Variants in XCL2 observed in about 807,000 individuals in gnomAD.
XCL2 encodes the protein X-C motif chemokine ligand 2.
XCL2 carries 8 observed loss-of-function variants against 7.2 expected under a neutral mutation model. That is an observed-to-expected ratio of 1.10 (90% CI 0.65 to 1.99). The LOEUF (loss-of-function observed/expected upper bound fraction) is 1.99, where lower values mean the gene tolerates loss of function less well. XCL2 is among the 30% of genes most tolerant of loss of function. The probability of loss-of-function intolerance (pLI) is 0.00; values close to 1 mark genes in which losing one functional copy is unlikely to be tolerated. For synonymous variants in XCL2, 46 were observed against 54.2 expected, an observed-to-expected ratio of 0.85 and a Z score of 0.67; for missense variants, 131 against 138.6, an observed-to-expected ratio of 0.94 and a Z score of 0.28.
At chr1:168,543,574 T>C (rs542735711) in intron 1 of XCL2, among the ~76,000 whole-genome samples, 4 of 146,560 alleles carry the variant, frequency 2.7e-5, no homozygotes, top group African/African-American at 7.3e-5. Context: ...TAAACCATAA[T>C]ATTTATTTAA....
In XCL2 at chr1:168,542,854, A is replaced by G. The variant is rs573021095; in HGVS notation, c.62-747T>C. ...AAAAGGCCTAAGAGTTTTCTTAGGC[A>G]GGCATTGGACAGGACATCCAGCCCA... On this transcript the variant is annotated intron_variant, in intron 1 of 2. Coordinates refer to ENST00000367819, the MANE Select transcript of XCL2 (RefSeq NM_003175.4). 310 of 188,758 alleles carry G rather than the reference A, an allele frequency of 1.6e-3. 12 individuals are homozygous for G. The South Asian group carries it at 0.032, about 19-fold the overall frequency. The allele number at this position is 188,758 out of a possible 1,614,324, so 11.7% of individuals were successfully genotyped here. A position where few individuals can be genotyped will look rare whatever the true frequency, so the allele number is the denominator to read the frequency against.
At position 168,542,076 on chromosome 1, in the gene XCL2, G is replaced by A. The variant is rs773490264; in HGVS notation, c.93C>T (p.Thr31=). Residue 31 remains threonine (T), a synonymous_variant, in exon 2 of 3, where the codon ACC becomes ACT. Coordinates refer to ENST00000367819, the MANE Select transcript of XCL2 (RefSeq NM_003175.4). ...GVGSEVSHRR[T]CVSLTTQRLP... ...GTCGCTGGGTAGTGAGGCTCACACA[G>A]GTCCTCCTATGTGAGACTTCACTCC... 7.1e-6 allele frequency: 11 copies of A among 1,552,104 alleles called. No homozygotes were observed. The Middle Eastern group carries it at 1.4e-3, about 191-fold the overall frequency.
At position 168,542,011 on chromosome 1, in the gene XCL2, C is replaced by G. The variant is rs773365565; in HGVS notation, c.158G>C (p.Gly53Ala). The G allele has an allele frequency of 6.2e-7, 1 of 1,610,558 alleles. No individual in the cohort carries two copies. Among genetic ancestry groups the G allele is most frequent in the Admixed American group, 1.7e-5 (1 of 59,472 alleles). The change falls in exon 2 of 3, where the codon GGC becomes GCC. Residue 53 changes from glycine (G) to alanine (A), a missense_variant. Transcript: ENST00000367819. Reference protein sequence around the residue: ...SRIKTYTITEGSLRAVIFITK... With the variant: ...SRIKTYTITEASLRAVIFITK... The stretch of plus-strand genomic sequence containing the variant: ...GACTCACATTACTGCTCTCAAGGAG[C>G]CTTCCGTGATGGTGTAGGTCTTGAT...
intron 1 of XCL2, chr1:168,543,188 A>T: frequency 3.8e-6 from 1 of 263,604 alleles, no homozygotes; most frequent in Non-Finnish European, 7.1e-6. Context: ...GGAAAACAAG[A>T]AGTCTCAGCT....
intron 1 of XCL2, among the ~76,000 whole-genome samples, chr1:168,542,400 A>T (rs915689322): frequency 3.3e-5 from 5 of 152,000 alleles, no homozygotes; most frequent in Non-Finnish European, 7.4e-5. Context: ...GACATTTGGG[A>T]CGGCTAGCAA....
chr1:168,542,927 C>T (rs1051462503), intron 1 of XCL2: 1 of 259,432 alleles, frequency 3.9e-6, no homozygotes, highest in Non-Finnish European at 7.4e-6. Flanking sequence ...TATCTGGTTC[C>T]AGCTGCAAAG....
intron 1 of XCL2, among the ~76,000 whole-genome samples, chr1:168,542,481 A>C (rs947088158): frequency 1.3e-5 from 2 of 152,186 alleles, no homozygotes; most frequent in Non-Finnish European, 2.9e-5. Flanking sequence ...TTATTAAGAC[A>C]GACATTATCC....
intron 2 of XCL2, among the ~76,000 whole-genome samples, 168 bp from the exon 3 acceptor site, chr1:168,541,288 T>C (rs1338607711): frequency 2.6e-5 from 4 of 152,126 alleles, no homozygotes; most frequent in Non-Finnish European, 5.9e-5. Flanking sequence ...GCCATCTATT[T>C]TAACATAAAG....
At chr1:168,542,514 CT>C (rs1282355596) in intron 1 of XCL2, among the ~76,000 whole-genome samples, 1 of 152,006 alleles carries the variant, frequency 6.6e-6, no homozygotes, top group East Asian at 1.9e-4. Flanking sequence ...AGCATATCTT[CT>C]CATGAGGGAG....
intron 2 of XCL2, among the ~76,000 whole-genome samples, chr1:168,541,449 A>T (rs2101815093): frequency 6.6e-6 from 1 of 151,312 alleles, no homozygotes; most frequent in East Asian, 1.9e-4. Context: ...AAATTTGAAA[A>T]TACTCATCTT....
chr1:168,542,198 T>G (rs1572564542), intron 1 of XCL2, 91 bp from the exon 2 acceptor site: 3 of 1,179,704 alleles, frequency 2.5e-6, no homozygotes, highest in East Asian at 5.6e-5. Context: ...TCTGAGAATG[T>G]TGTGAGAATA....
rs470733 is a variant in XCL2 at position 168,540,884 on chromosome 1, T to A, written c.*68A>T. The A allele has an allele frequency of 0.51, 793,670 of 1,542,392 alleles. 210,176 individuals carry two copies. Among genetic ancestry groups the A allele is most frequent in the East Asian group, 0.86 (37,911 of 43,894 alleles). Reference sequence around the variant, plus strand: ...GTGCTTTCATAAAAGGTGAGTATAATCTCAGTCCATGAGGGTGTAAAGTGA... The same window carrying A: ...GTGCTTTCATAAAAGGTGAGTATAAACTCAGTCCATGAGGGTGTAAAGTGA... On this transcript the variant is annotated 3_prime_UTR_variant, in exon 3 of 3. Coordinates refer to ENST00000367819, the MANE Select transcript of XCL2 (RefSeq NM_003175.4).
In XCL2 at chr1:168,542,595, G is replaced by C. The variant is rs528705947; in HGVS notation, c.62-488C>G. ...CAACATGTTACAGTACCATAAGTGA[G>C]ATGACAGAGTAATGCGTGAAGAGTA... On this transcript the variant is annotated intron_variant, in intron 1 of 2. Coordinates refer to ENST00000367819, the MANE Select transcript of XCL2 (RefSeq NM_003175.4). 2.2e-3 allele frequency: 345 copies of C among 158,234 alleles called. 1 individual carries two copies. Among genetic ancestry groups the C allele is most frequent in the Middle Eastern group, 6.5e-3 (2 of 306 alleles). The allele number at this position is 158,234 out of a possible 1,614,324, so 9.8% of individuals were successfully genotyped here. A position where few individuals can be genotyped will look rare whatever the true frequency, so the allele number is the denominator to read the frequency against.
chr1:168,542,742 A>G (rs1386610038), intron 1 of XCL2: 1 of 161,006 alleles, frequency 6.2e-6, no homozygotes, highest in Non-Finnish European at 1.4e-5. Flanking sequence ...TGCTGAAAAG[A>G]AAGAAGGCCA....
intron 1 of XCL2, among the ~76,000 whole-genome samples, chr1:168,543,628 A>G (rs1359455416): frequency 7.1e-6 from 1 of 141,618 alleles, no homozygotes; most frequent in African/African-American, 2.5e-5. Flanking sequence ...TTCAGTTTAT[A>G]CATAAATAAG....
chr1:168,543,668 C>T (rs1654339580), intron 1 of XCL2, among the ~76,000 whole-genome samples: 1 of 146,630 alleles, frequency 6.8e-6, no homozygotes, highest in East Asian at 2.5e-4. Context: ...AGGAATTTAC[C>T]TGAAATTACC....
At chr1:168,542,745 G>A (rs1414159594) in intron 1 of XCL2, 1 of 160,778 alleles carries the variant, frequency 6.2e-6, no homozygotes, top group African/African-American at 2.4e-5. Context: ...TGAAAAGAAA[G>A]AAGGCCAAAG....
intron 1 of XCL2, chr1:168,543,185 A>G (rs954386291): frequency 1.9e-5 from 5 of 266,484 alleles, no homozygotes; most frequent in African/African-American, 9.2e-5. Flanking sequence ...GCTGGAAAAC[A>G]AGAAGTCTCA....
chr1:168,542,255 G>A (rs906832763), intron 1 of XCL2, 148 bp from the exon 2 acceptor site: 198 of 491,432 alleles, frequency 4.0e-4, no homozygotes, highest in Middle Eastern at 1.1e-3. Flanking sequence ...TAGGCATCCC[G>A]AATCTCTTGC....
Sources: allele counts gnomAD v4.1 joint callset (sites outside exome capture counted in the v4.1 genomes callset), GRCh38; gene constraint gnomAD v4.1.1; transcripts MANE v1.5; gene names NCBI Gene and HGNC (gene_info 2026-07-23, HGNC 2026-07-21).